GNPAT: variants seen among roughly 807,000 people sequenced by gnomAD.
GNPAT encodes the protein dihydroxyacetone phosphate acyltransferase.
A neutral mutation model predicts 78.4 loss-of-function variants in GNPAT; 30 were observed. The ratio of observed to expected loss-of-function variants is 0.38; its 90% confidence interval spans 0.29 to 0.52. The LOEUF is 0.52. GNPAT is among the 20% of genes least tolerant of loss of function. The probability of loss-of-function intolerance (pLI) is 0.84; values close to 1 mark genes in which losing one functional copy is unlikely to be tolerated. For synonymous variants in GNPAT, 271 were observed against 281.1 expected (o/e 0.96, Z 0.36); for missense variants, 714 against 812.2 (o/e 0.88, Z 1.47).
At chr1:231,259,539 C>T (rs957749985) in intron 2 of GNPAT, among the ~76,000 whole-genome samples, 2 of 151,342 alleles carry the variant, frequency 1.3e-5, no homozygotes, top group Non-Finnish European at 1.5e-5. Flanking sequence ...CCCAGCTACT[C>T]GGGAGGCTAA....
chr1:231,269,454 G>T (rs1553337545), intron 9 of GNPAT, among the ~76,000 whole-genome samples: 1 of 152,190 alleles, frequency 6.6e-6, no homozygotes, highest in Non-Finnish European at 1.5e-5. Context: ...AAGTTAGGAG[G>T]CTGCTCTGTC....
rs553450810 is a variant in GNPAT at position 231,260,850 on chromosome 1, A to G, written c.438+167A>G. On this transcript the variant is annotated intron_variant, in intron 3 of 15. Transcript: ENST00000366647. ...TAATCATCAGGCCTCCAGTCTAGGC[A>G]GAAGAGGATGTGCATCTCTGAAGGT... Among the ~76,000 whole-genome samples, 5 of 152,264 alleles carry G rather than the reference A, an allele frequency of 3.3e-5. No homozygotes were observed. In the East Asian group the frequency reaches 9.6e-4, roughly 29 times the overall value.
intron 3 of GNPAT, among the ~76,000 whole-genome samples, chr1:231,261,003 T>C (rs1159937452): frequency 6.6e-6 from 1 of 152,236 alleles, no homozygotes; most frequent in African/African-American, 2.4e-5. Context: ...TACAAAGAAT[T>C]CCTGTATATA....
chr1:231,265,833 C>G, intron 6 of GNPAT, 46 bp downstream of exon 6: 1 of 1,195,634 alleles, frequency 8.4e-7, no homozygotes, highest in East Asian at 2.3e-5. Context: ...CCAAAGACAT[C>G]AGCTGCTACA....
intron 1 of GNPAT, 102 bp downstream of exon 1, chr1:231,241,558 C>A: frequency 2.2e-6 from 2 of 893,474 alleles, no homozygotes; most frequent in South Asian, 2.6e-5. Context: ...CCCAAAAGAG[C>A]TGGCCCCTAG....
intron 1 of GNPAT, among the ~76,000 whole-genome samples, chr1:231,250,323 C>T (rs1265550210): frequency 1.3e-5 from 2 of 151,776 alleles, no homozygotes; most frequent in African/African-American, 2.4e-5. Context: ...CCTAGCTACT[C>T]GAGAGGCTGA....
intron 2 of GNPAT, among the ~76,000 whole-genome samples, 171 bp downstream of exon 2, chr1:231,251,314 T>G (rs1355073795): frequency 1.3e-5 from 2 of 152,326 alleles, no homozygotes; most frequent in East Asian, 3.9e-4. Context: ...GACACTAGAC[T>G]AGAGGTCTAA....
intron 2 of GNPAT, among the ~76,000 whole-genome samples, chr1:231,253,261 A>C (rs1684950609): frequency 6.6e-6 from 1 of 151,756 alleles, no homozygotes; most frequent in African/African-American, 2.4e-5. Flanking sequence ...GAGCCGCCAC[A>C]CCCGGCCTAC....
chr1:231,271,101 C>A lies in GNPAT; in HGVS notation c.1522+101C>A, dbSNP rs116024301. Reference sequence around the variant, plus strand: ...AGCCTTGTAATGTTCAGCCTCACGCCGGTGAAGAGCAGGCCTATCACTGAG... The same window carrying A: ...AGCCTTGTAATGTTCAGCCTCACGCAGGTGAAGAGCAGGCCTATCACTGAG... On this transcript the variant is annotated intron_variant, in intron 10 of 15. Transcript: ENST00000366647. 0.011 allele frequency: 13,777 copies of A among 1,308,716 alleles called. 110 individuals carry two copies. The highest frequency in any genetic ancestry group is 0.012 in the South Asian group (990 of 84,378). 81.1% of individuals were successfully genotyped at this position (1,308,716 alleles called of 1,614,324 possible).
In GNPAT at chr1:231,272,352, T is replaced by C; in HGVS notation, c.1563T>C (p.Phe521=). 6.3e-7 allele frequency: 1 copy of C among 1,594,872 alleles called. No individual in the cohort carries two copies. The highest frequency in any genetic ancestry group is 8.6e-7 in the Non-Finnish European group (1 of 1,162,912). ...YSCFRFLRDV[F]ADEFIFLPGN... is the part of the protein sequence containing the mutation. ...GCTTTCGCTTCCTACGTGATGTTTT[T>C]GCAGATGAGTTCATCTTCCTTCCAG... is the stretch of plus-strand genomic sequence containing the variant. Residue 521 remains phenylalanine, a synonymous_variant, in exon 11 of 16, where the codon TTT becomes TTC. Transcript: ENST00000366647.
At chr1:231,265,957 T>A in intron 6 of GNPAT, 57 bp from the exon 7 acceptor site, 1 of 1,430,582 alleles carries the variant, frequency 7.0e-7, no homozygotes, top group Non-Finnish European at 9.9e-7. Flanking sequence ...GTTTATGTGC[T>A]CATGTTTGCT....
chr1:231,265,528 C>T (rs577782106), intron 5 of GNPAT, 108 bp downstream of exon 5: 3 of 1,030,430 alleles, frequency 2.9e-6, no homozygotes, highest in South Asian at 2.5e-5. Flanking sequence ...TTTGCTTTCC[C>T]TCAAGAACTG....
chr1:231,271,137 C>T, intron 10 of GNPAT, 137 bp downstream of exon 10: 1 of 1,020,158 alleles, frequency 9.8e-7, no homozygotes, highest in Non-Finnish European at 1.5e-6. Flanking sequence ...AAAAAGTTAG[C>T]TTTGTTCCCC....
chr1:231,265,759 C>T lies in GNPAT; in HGVS notation c.744C>T (p.Arg248=), dbSNP rs1448882356. The change falls in exon 6 of 16, where the codon CGC becomes CGT. Residue 248 remains arginine (R), a synonymous_variant. Coordinates refer to ENST00000366647, the MANE Select transcript of GNPAT (RefSeq NM_014236.4). ...VEFFLEGTRS[R]SAKTLTPKFG... Reference sequence around the variant, plus strand: ...TTTTCCTCGAAGGGACAAGAAGCCGCTCTGCCAAGACATTGACTCCTAAAT... The same window carrying T: ...TTTTCCTCGAAGGGACAAGAAGCCGTTCTGCCAAGACATTGACTCCTAAAT... The T allele has an allele frequency of 1.2e-6, 2 of 1,605,234 alleles. No homozygotes were observed. The highest frequency in any genetic ancestry group is 3.3e-5 in the Admixed American group (2 of 60,012).
intron 1 of GNPAT, 135 bp from the exon 2 acceptor site, chr1:231,250,826 A>G: frequency 4.9e-6 from 3 of 616,316 alleles, no homozygotes; most frequent in Non-Finnish European, 8.9e-6. Flanking sequence ...ATGAAAATCT[A>G]ACATCAGAAC....
In GNPAT at chr1:231,241,313, C is replaced by T. The variant is rs1476683127; in HGVS notation, c.-66C>T. 3.4e-6 allele frequency: 5 copies of T among 1,455,664 alleles called. No individual in the cohort carries two copies. Among genetic ancestry groups the T allele is most frequent in the Non-Finnish European group, 4.8e-6 (5 of 1,035,332 alleles). 90.2% of individuals were successfully genotyped at this position (1,455,664 alleles called of 1,614,324 possible). On this transcript the variant is annotated 5_prime_UTR_variant, in exon 1 of 16. Transcript: ENST00000366647. ...GGCCGTCCTGAGCGAAAGAACCGCC[C>T]CCAGCAGGAGCACCACCACGGCTTA...
intron 10 of GNPAT, among the ~76,000 whole-genome samples, chr1:231,271,748 C>A (rs1426749419): frequency 6.6e-6 from 1 of 152,216 alleles, no homozygotes; most frequent in Non-Finnish European, 1.5e-5. Flanking sequence ...GTCCTGGCCT[C>A]TAAGGACTGT....
chr1:231,274,039 A>G lies in GNPAT; in HGVS notation c.1720A>G (p.Lys574Glu), dbSNP rs1490096134. 1.2e-6 allele frequency: 2 copies of G among 1,613,628 alleles called. No individual in the cohort carries two copies. The highest frequency in any genetic ancestry group is 1.7e-6 in the Non-Finnish European group (2 of 1,179,536). Residue 574 changes from lysine (K) to glutamate (E), a missense_variant, in exon 12 of 16, where the codon AAA becomes GAA. Transcript: ENST00000366647. ...GTTAGAATTTTTAGTAGGACTCTTT[A>G]AACCTTTTGTGGAAAGCTATCAGGT... The part of the protein sequence containing the change: ...TVLEFLVGLF[K>E]PFVESYQIIC...
chr1:231,266,364 G>A lies in GNPAT; in HGVS notation c.1012G>A (p.Ala338Thr). ...FGDPVSLRSL[A>T]AGRMSRSSYN... ...AGATCCTGTGTCACTTCGATCTTTG[G>A]CAGCTGGGAGGATGAGTCGGAGCTC... The change falls in exon 8 of 16, where the codon GCA (alanine) becomes ACA (threonine). Residue 338 changes from alanine (A) to threonine (T), a missense_variant. Coordinates refer to ENST00000366647, the MANE Select transcript of GNPAT (RefSeq NM_014236.4). 6.2e-7 allele frequency: 1 copy of A among 1,614,020 alleles called. No individual in the cohort carries two copies. Among genetic ancestry groups the A allele is most frequent in the South Asian group, 1.1e-5 (1 of 91,084 alleles).
Sources: gnomAD v4.1 joint callset for allele counts (sites outside exome capture counted in the v4.1 genomes callset) on GRCh38, gnomAD v4.1.1 for gene constraint, MANE v1.5 for transcripts, NCBI Gene and HGNC (gene_info 2026-07-23, HGNC 2026-07-21) for gene names.